ZBTB8B: variants seen among roughly 807,000 people sequenced by gnomAD.
ZBTB8B encodes zinc finger and BTB domain containing 8B.
Under a neutral mutation model 30.3 loss-of-function variants are expected in ZBTB8B, and 17 were observed. The ratio of observed to expected loss-of-function variants is 0.56; its 90% CI spans 0.38 to 0.84. The LOEUF (loss-of-function observed/expected upper bound fraction) is 0.84. ZBTB8B is among the 40% of genes least tolerant of loss of function. The pLI is 0.00. For missense variants in ZBTB8B, 515 were observed against 644.9 expected, an observed-to-expected ratio of 0.80 and a Z score of 2.18; for synonymous variants, 248 against 255.6, an observed-to-expected ratio of 0.97 and a Z score of 0.28.
chr1:32,488,382 A>G lies in ZBTB8B; in HGVS notation c.*2964A>G, dbSNP rs1343906729. On this transcript the variant is annotated 3_prime_UTR_variant, in exon 4 of 4. Transcript: ENST00000609129. ...TGTTTAAATTATCTCTGATGTTTTAATGACTTTTCTACCTCATAGTTCAGC... is the reference window on the plus strand; with the variant it reads ...TGTTTAAATTATCTCTGATGTTTTAGTGACTTTTCTACCTCATAGTTCAGC... 1 of 152,212 alleles carries G rather than the reference A, an allele frequency of 6.6e-6. No individual in the cohort carries two copies. The highest frequency in any genetic ancestry group is 2.4e-5 in the African/African-American group (1 of 41,458). The allele number at this position is 152,212 out of a possible 1,614,324, so 9.4% of individuals were successfully genotyped here.
At position 32,471,059 on chromosome 1, in the gene ZBTB8B, T is replaced by A. The variant is rs553204369; in HGVS notation, c.435T>A (p.Ala145=). 2 of 1,544,580 alleles carry A rather than the reference T, an allele frequency of 1.3e-6. No individual in the cohort carries two copies. The highest frequency in any genetic ancestry group is 1.7e-6 in the Non-Finnish European group (2 of 1,145,466). ...CAGTGGCGGCGGCAGCGGCGGCGGC[T>A]GCAGCGGCGGCAGCAGCGGCGGCTC... ...AAAVAAAAAA[A]AAAAAAAAHQ... Residue 145 remains alanine, a synonymous_variant, in exon 2 of 4, where the codon GCT becomes GCA. Transcript: ENST00000609129.
chr1:32,482,025 C>T (rs1262499232), intron 3 of ZBTB8B, among the ~76,000 whole-genome samples: 1 of 152,012 alleles, frequency 6.6e-6, no homozygotes, highest in Non-Finnish European at 1.5e-5. Flanking sequence ...ACTCTGTCAC[C>T]CAGGCTGCAG....
At chr1:32,482,399 G>A (rs1433449724) in intron 3 of ZBTB8B, among the ~76,000 whole-genome samples, 1 of 151,910 alleles carries the variant, frequency 6.6e-6, no homozygotes, top group African/African-American at 2.4e-5. Context: ...CTGGCCGGGC[G>A]CAGGGGCTCA....
At position 32,470,681 on chromosome 1, in the gene ZBTB8B, G is replaced by A; in HGVS notation, c.57G>A (p.Lys19=). 6.4e-7 allele frequency: 1 copy of A among 1,551,710 alleles called. No individual in the cohort carries two copies. The highest frequency in any genetic ancestry group is 8.7e-7 in the Non-Finnish European group (1 of 1,147,010). The stretch of plus-strand genomic sequence containing the variant: ...TGGGGGAGCTGAATGAACAGAGAAA[G>A]AGGGACTTTTTCTGTGACTGCAGCA... The part of the protein sequence containing the change: ...KLLGELNEQR[K]RDFFCDCSII... Residue 19 remains lysine (K), a synonymous_variant, in exon 2 of 4, where the codon AAG becomes AAA. Transcript: ENST00000609129.
intron 3 of ZBTB8B, 41 bp downstream of exon 3, chr1:32,481,110 T>G: frequency 6.7e-7 from 1 of 1,497,042 alleles, no homozygotes; most frequent in South Asian, 1.3e-5. Context: ...GCAAGAGCTA[T>G]TCATGATATC....
chr1:32,479,877 G>T (rs558313058), intron 2 of ZBTB8B, among the ~76,000 whole-genome samples: 1 of 152,304 alleles, frequency 6.6e-6, no homozygotes, highest in South Asian at 2.1e-4. Flanking sequence ...AGATTTAAGT[G>T]AATTCCTGGA....
rs1345646605 is a variant in ZBTB8B at position 32,487,821 on chromosome 1, G to A, written c.*2403G>A. 6.7e-6 allele frequency: 1 copy of A among 150,134 alleles called. No homozygotes were observed. Among genetic ancestry groups the A allele is most frequent in the Non-Finnish European group, 1.5e-5 (1 of 67,476 alleles). The allele number at this position is 150,134 out of a possible 1,614,324, so 9.3% of individuals were successfully genotyped here. On this transcript the variant is annotated 3_prime_UTR_variant, in exon 4 of 4. Transcript: ENST00000609129. The stretch of plus-strand genomic sequence containing the variant: ...CCACTCCACTCCAGCCTGGGCAACA[G>A]TGTGAGACCTTGTCTCAAAAAAATA...
In ZBTB8B at chr1:32,477,811, C is replaced by G. The variant is rs1643675453; in HGVS notation, c.992-3080C>G. Among the ~76,000 whole-genome samples, 5 of 151,928 alleles carry G rather than the reference C, an allele frequency of 3.3e-5. No homozygotes were observed. In the South Asian group the frequency reaches 6.2e-4, roughly 19 times the overall value. ...GTGGCTCACACCTGTGATCCCAGCACTGTGGGAGGCCCAGGTGGGTGGATC... is the reference window on the plus strand; with the variant it reads ...GTGGCTCACACCTGTGATCCCAGCAGTGTGGGAGGCCCAGGTGGGTGGATC... On this transcript the variant is annotated intron_variant, in intron 2 of 3. Coordinates refer to ENST00000609129, the MANE Select transcript of ZBTB8B (RefSeq NM_001145720.2).
Position 32,495,503 on chromosome 1 carries a change from G to C in ZBTB8B, c.*10085G>C, listed in dbSNP as rs1643810622. ...TAATCTCAAGCTAAATTTTTGTTTT[G>C]ATTTATATACAGTCAGATTGAAACA... is the stretch of plus-strand genomic sequence containing the variant. On this transcript the variant is annotated 3_prime_UTR_variant, in exon 4 of 4. Transcript: ENST00000609129. 6.6e-6 allele frequency: 1 copy of C among 152,080 alleles called. No individual in the cohort carries two copies. The highest frequency in any genetic ancestry group is 6.5e-5 in the Admixed American group (1 of 15,270). 9.4% of individuals were successfully genotyped at this position (152,080 alleles called of 1,614,324 possible).
intron 1 of ZBTB8B, among the ~76,000 whole-genome samples, chr1:32,468,847 G>T (rs989847608): frequency 6.6e-6 from 1 of 150,724 alleles, no homozygotes; most frequent in Non-Finnish European, 1.5e-5. Context: ...GGCGAGAGAG[G>T]GAGAATCTGT....
rs1259978329 is a variant in ZBTB8B at position 32,485,223 on chromosome 1, C to T, written c.1293C>T (p.Pro431=). ...GCTGCACCTGCGTTACAGACACACCCGATGATGATGATGATTTGATGCCCA... is the reference window on the plus strand; with the variant it reads ...GCTGCACCTGCGTTACAGACACACCTGATGATGATGATGATTTGATGCCCA... ...CDSCTCVTDT[P]DDDDDLMPIN... Residue 431 remains proline (P), a synonymous_variant, in exon 4 of 4, where the codon CCC becomes CCT. Transcript: ENST00000609129. The T allele has an allele frequency of 3.9e-6, 6 of 1,551,740 alleles. No individual in the cohort carries two copies. Among genetic ancestry groups the T allele is most frequent in the Middle Eastern group, 1.7e-4 (1 of 6,012 alleles).
intron 2 of ZBTB8B, among the ~76,000 whole-genome samples, chr1:32,474,638 A>G (rs1371768116): frequency 6.6e-6 from 1 of 152,152 alleles, no homozygotes; most frequent in Non-Finnish European, 1.5e-5. Context: ...TGCTTCCATG[A>G]ACACACCGTG....
chr1:32,472,628 G>C (rs557976294), intron 2 of ZBTB8B, among the ~76,000 whole-genome samples: 12 of 152,206 alleles, frequency 7.9e-5, no homozygotes, highest in African/African-American at 2.9e-4. Context: ...TTGATTGATT[G>C]ATTGAGACAG....
In ZBTB8B at chr1:32,473,299, ACTT is replaced by A. The variant is rs1336953782; in HGVS notation, c.991+1687_991+1689del. On this transcript the variant is annotated intron_variant, in intron 2 of 3. Transcript: ENST00000609129. ...CCAGCCTGGGTGACAGAGCGAGACT[ACTT>A]CTCAAAAAAAAAAAGAAAGAAAGAA... 7.9e-5 allele frequency among the ~76,000 whole-genome samples: 12 copies of A among 151,756 alleles called. No individual in the cohort carries two copies. The East Asian group carries it at 2.3e-3, about 29-fold the overall frequency.
chr1:32,480,775 C>A, intron 2 of ZBTB8B, 116 bp from the exon 3 acceptor site: 1 of 965,498 alleles, frequency 1.0e-6, no homozygotes, highest in South Asian at 2.1e-5. Context: ...GAGTTGGTGT[C>A]CTCCTCTTCT....
chr1:32,468,818 G>T (rs148684979), intron 1 of ZBTB8B, among the ~76,000 whole-genome samples: 3 of 150,700 alleles, frequency 2.0e-5, no homozygotes, highest in African/African-American at 7.3e-5. Context: ...CCGAGATCGC[G>T]CCATTGCACT....
Position 32,489,169 on chromosome 1 carries a change from G to A in ZBTB8B, c.*3751G>A, listed in dbSNP as rs184003425. 9.8e-5 allele frequency: 15 copies of A among 152,296 alleles called. No homozygotes were observed. The East Asian group carries it at 1.5e-3, about 16-fold the overall frequency. The allele number at this position is 152,296 out of a possible 1,614,324, so 9.4% of individuals were successfully genotyped here. A position where few individuals can be genotyped will look rare whatever the true frequency, so the allele number is the denominator to read the frequency against. The stretch of plus-strand genomic sequence containing the variant: ...AAATAGTGGATTAGTAAAATGAAGC[G>A]CTGAGGCCAGATGGTTCATAGCTTG... On this transcript the variant is annotated 3_prime_UTR_variant, in exon 4 of 4. Transcript: ENST00000609129.
In ZBTB8B at chr1:32,471,388, TG is replaced by T; in HGVS notation, c.766del (p.Ala256ProfsTer22). Reference protein sequence around the residue: ...QLQQYAAPLNLAHVEEALPSG... With the variant: ...QLQQYAAPLNXAHVEEALPSG... Reference sequence around the variant, plus strand: ...CAGCAGTATGCTGCCCCGCTGAACCTGGCCCACGTGGAGGAGGCCTTGCCAA... The same window carrying T: ...CAGCAGTATGCTGCCCCGCTGAACCTGCCCACGTGGAGGAGGCCTTGCCAA... On this transcript the variant is annotated frameshift_variant, in exon 2 of 4. Transcript: ENST00000609129. LOFTEE classifies it high-confidence loss of function. 1 of 1,551,836 alleles carries T rather than the reference TG, an allele frequency of 6.4e-7. No individual in the cohort carries two copies. Among genetic ancestry groups the T allele is most frequent in the Non-Finnish European group, 8.7e-7 (1 of 1,147,024 alleles).
In ZBTB8B at chr1:32,491,731, A is replaced by G. The variant is rs754923034; in HGVS notation, c.*6313A>G. ...GGGATGCCCAGAGCTGAGGCTTCCT[A>G]TCAGGCATTTATAGTTCTCCCAGTC... On this transcript the variant is annotated 3_prime_UTR_variant, in exon 4 of 4. Coordinates refer to ENST00000609129, the MANE Select transcript of ZBTB8B (RefSeq NM_001145720.2). 2.6e-5 allele frequency: 4 copies of G among 152,216 alleles called. No individual in the cohort carries two copies. The East Asian group carries it at 7.7e-4, about 29-fold the overall frequency. 9.4% of individuals were successfully genotyped at this position (152,216 alleles called of 1,614,324 possible).
Sources: allele counts gnomAD v4.1 joint callset (sites outside exome capture counted in the v4.1 genomes callset), GRCh38; gene constraint gnomAD v4.1.1; transcripts MANE v1.5; gene names NCBI Gene and HGNC (gene_info 2026-07-23, HGNC 2026-07-21).